Variants in KIF13B observed in about 807,000 individuals in gnomAD.
KIF13B encodes the protein kinesin-like protein KIF13B.
A neutral mutation model predicts 222.0 loss-of-function variants in KIF13B; 127 were observed. The observed-to-expected ratio is 0.57, with a 90% CI of 0.50 to 0.66. KIF13B has a LOEUF of 0.66. Ranked by LOEUF, KIF13B falls within the 30% of genes least tolerant of loss-of-function variation. The probability of loss-of-function intolerance (pLI) is 0.00; values close to 1 mark genes in which losing one functional copy is unlikely to be tolerated. For missense variants in KIF13B, 2,173 were observed against 2,379.0 expected (o/e 0.91, Z 1.80); for synonymous variants, 976 against 919.0 (o/e 1.06, Z -1.12).
chr8:29,251,219 AAAAC>A (rs1423748979), intron 1 of KIF13B, among the ~76,000 whole-genome samples: 1 of 152,166 alleles, frequency 6.6e-6, no homozygotes, highest in Non-Finnish European at 1.5e-5. Flanking sequence ...TTAGCCTGGA[AAAAC>A]AAACAAAAAA....
Position 29,071,038 on chromosome 8 carries a change from C to G in KIF13B, c.5219-272G>C, listed in dbSNP as rs1335202474. Among the ~76,000 whole-genome samples, 1 of 152,174 alleles carries G rather than the reference C, an allele frequency of 6.6e-6. No individual in the cohort carries two copies. The highest frequency in any genetic ancestry group is 1.5e-5 in the Non-Finnish European group (1 of 68,012). ...AGCCTCAGGTAGGAGGTGACAGGCC[C>G]TGGGGGCCCTGGGGAGTGCCTTGTG... On this transcript the variant is annotated intron_variant, in intron 39 of 39. Transcript: ENST00000524189. This position sits in a 1 kb window ranked among gnomAD's most constrained non-coding sequence, Gnocchi z 4.9.
chr8:29,130,282 TG>T (rs1477434180), intron 24 of KIF13B, among the ~76,000 whole-genome samples: 1 of 152,108 alleles, frequency 6.6e-6, no homozygotes, highest in Non-Finnish European at 1.5e-5. Flanking sequence ...AAGGCCAAGG[TG>T]GGAGGATTGC....
chr8:29,092,826 C>T lies in KIF13B; in HGVS notation c.4377G>A (p.Pro1459=), dbSNP rs745538805. The T allele has an allele frequency of 9.9e-6, 16 of 1,612,272 alleles. No homozygotes were observed. The highest frequency in any genetic ancestry group is 1.6e-4 in the Middle Eastern group (1 of 6,082). The change falls in exon 37 of 40, where the codon CCG becomes CCA. Residue 1459 remains proline, a synonymous_variant. Transcript: ENST00000524189. ...SYLNPVKSFV[P]QMPKLLKSLF... is the part of the protein sequence containing the mutation. ...GAGACTTGAGGAGCTTTGGCATTTG[C>T]GGCACGAAGGATTTGACAGGATTCA... is the stretch of plus-strand genomic sequence containing the variant.
intron 35 of KIF13B, among the ~76,000 whole-genome samples, chr8:29,099,923 T>C (rs992213901): frequency 6.6e-6 from 1 of 152,164 alleles, no homozygotes; most frequent in South Asian, 2.1e-4. Flanking sequence ...ATACCCTTTT[T>C]CACTCAGTTC....
chr8:29,102,322 T>G (rs920883566), intron 35 of KIF13B, among the ~76,000 whole-genome samples: 5 of 152,252 alleles, frequency 3.3e-5, no homozygotes, highest in Admixed American at 6.5e-5. Context: ...TCCAACATCC[T>G]GCATGTCTAC....
intron 35 of KIF13B, 46 bp from the exon 36 acceptor site, chr8:29,099,287 ACC>A: frequency 7.5e-7 from 1 of 1,332,782 alleles, no homozygotes; most frequent in African/African-American, 1.5e-5. Flanking sequence ...TATTCAATTA[ACC>A]AAACAAAAAA....
chr8:29,083,655 T>C (rs529852153), intron 37 of KIF13B, among the ~76,000 whole-genome samples: 1 of 152,266 alleles, frequency 6.6e-6, no homozygotes, highest in African/African-American at 2.4e-5. Context: ...TCTGGAAAAC[T>C]AAAAGAGTGA....
At chr8:29,199,413 A>AGTGAACATACTTCAGGTTGTGAT (rs1813587098) in intron 2 of KIF13B, among the ~76,000 whole-genome samples, 4 of 152,176 alleles carry the variant, frequency 2.6e-5, no homozygotes, top group Admixed American at 6.5e-5. Flanking sequence ...CAGGTTGTGA[A>AGTGAACATACTTCAGGTTGTGAT]GTGAACATAC....
intron 29 of KIF13B, among the ~76,000 whole-genome samples, chr8:29,120,293 A>AAT (rs1809806549): frequency 8.8e-6 from 1 of 113,158 alleles, no homozygotes. Context: ...CGTGTCATCT[A>AAT]GCATTAGGTA....
chr8:29,177,065 G>C (rs1812510495), intron 9 of KIF13B, among the ~76,000 whole-genome samples: 1 of 152,182 alleles, frequency 6.6e-6, no homozygotes, highest in Admixed American at 6.5e-5. Context: ...TTCTCAACTG[G>C]AGGGTGACTA....
rs376997086 is a variant in KIF13B, at chr8:29,227,450, C to T, written c.149+17896G>A. On this transcript the variant is annotated intron_variant, in intron 2 of 39. Transcript: ENST00000524189. ...GATTACAGGTGCCCACCACCACACC[C>T]GGCTAATTTTTGTATTTTTAGTAGA... 1.6e-4 allele frequency among the ~76,000 whole-genome samples: 24 copies of T among 152,242 alleles called. 1 individual carries two copies. The East Asian group carries it at 4.6e-3, about 29-fold the overall frequency.
intron 10 of KIF13B, among the ~76,000 whole-genome samples, chr8:29,174,010 T>C (rs939697060): frequency 6.6e-6 from 1 of 152,160 alleles, no homozygotes; most frequent in Non-Finnish European, 1.5e-5. Context: ...TACATATGTT[T>C]AAGGTATAGA....
At chr8:29,212,949 C>CAA (rs1814297329) in intron 2 of KIF13B, among the ~76,000 whole-genome samples, 1 of 151,582 alleles carries the variant, frequency 6.6e-6, no homozygotes, top group Admixed American at 6.6e-5. Context: ...GTAATAGTCC[C>CAA]AAGCAGCTAA....
chr8:29,220,864 A>G (rs1173840304), intron 2 of KIF13B, among the ~76,000 whole-genome samples: 1 of 152,176 alleles, frequency 6.6e-6, no homozygotes, highest in African/African-American at 2.4e-5. Context: ...AAATCTCAGT[A>G]CTTTGGGAGG....
intron 37 of KIF13B, among the ~76,000 whole-genome samples, chr8:29,082,097 A>C (rs1807841159): frequency 1.3e-5 from 2 of 152,174 alleles, no homozygotes; most frequent in Admixed American, 1.3e-4. Flanking sequence ...CTACATTCTA[A>C]AGACTGTGGT....
chr8:29,152,190 T>C (rs1811328939), intron 14 of KIF13B, among the ~76,000 whole-genome samples: 1 of 152,202 alleles, frequency 6.6e-6, no homozygotes, highest in African/African-American at 2.4e-5. Flanking sequence ...GTGGGTAAGT[T>C]GATTCTTATG....
rs1373710154 is a variant in KIF13B, at chr8:29,147,423, G to C, written c.1993C>G (p.Gln665Glu). 6.2e-7 allele frequency: 1 copy of C among 1,609,836 alleles called. No homozygotes were observed. Among genetic ancestry groups the C allele is most frequent in the Admixed American group, 1.7e-5 (1 of 59,496 alleles). The change falls in exon 17 of 40, where the codon CAG becomes GAG. Residue 665 changes from glutamine (Q) to glutamate (E), a missense_variant. Around this residue, in one of 2 missense-constraint regions of KIF13B, gnomAD observed 1,480 missense variants for 1,722.8 expected, o/e 0.86. Transcript: ENST00000524189. ...DRFSFHSPSA[Q>E]QRLRQWAEER... ...TCAGCCCACTGTCTTAAGCGTTGCT[G>C]AGCGCTGGGCGAGTGGAAAGAAAAC... is the stretch of plus-strand genomic sequence containing the variant.
chr8:29,127,997 C>G (rs965144137), intron 24 of KIF13B, among the ~76,000 whole-genome samples: 1 of 150,590 alleles, frequency 6.6e-6, no homozygotes, highest in South Asian at 2.1e-4. Context: ...TGTTAAAGTA[C>G]CAGTAAATAT....
chr8:29,134,626 G>C (rs953442538), intron 21 of KIF13B, among the ~76,000 whole-genome samples: 1 of 152,088 alleles, frequency 6.6e-6, no homozygotes, highest in African/African-American at 2.4e-5. Flanking sequence ...GAACAAAATC[G>C]GTGTATGGGC....
Sources: gnomAD v4.1 joint callset for allele counts (sites outside exome capture counted in the v4.1 genomes callset) on GRCh38, gnomAD v4.1.1 for gene constraint, gnomAD v4.1.1 regional missense constraint, Gnocchi (gnomAD v3.1) non-coding constraint, MANE v1.5 for transcripts, NCBI Gene and HGNC (gene_info 2026-07-23, HGNC 2026-07-21) for gene names.